Variants in C12orf54 observed in about 807,000 individuals in gnomAD.
The protein encoded by C12orf54 is uncharacterized protein C12orf54.
In C12orf54, 24 loss-of-function variants were observed where a neutral mutation model predicts 26.4. The observed-to-expected ratio is 0.91, with a 90% CI of 0.66 to 1.28. C12orf54 has a LOEUF of 1.28. Among genes scored for constraint, C12orf54 ranks in the 50% most tolerant of loss-of-function variants. The pLI, the probability that C12orf54 is intolerant of heterozygous loss-of-function variation, is 0.00. For missense variants in C12orf54, 154 were observed against 150.9 expected (o/e 1.02, Z -0.11); for synonymous variants, 54 against 47.0 (o/e 1.15, Z -0.61).
the C12orf54 span, among the ~76,000 whole-genome samples, chr12:48,474,036 G>A: frequency 5.9e-5 from 9 of 152,196 alleles, no homozygotes; most frequent in Admixed American, 3.9e-4. Flanking sequence ...GAGCTTAAGA[G>A]CCAGAGAGCT....
the C12orf54 span, among the ~76,000 whole-genome samples, chr12:48,456,964 T>A: frequency 6.6e-6 from 1 of 152,128 alleles, no homozygotes; most frequent in Non-Finnish European, 1.5e-5. Context: ...TTTCATAGGA[T>A]GCTGAATATT....
At chr12:48,448,800 A>C in the C12orf54 span, among the ~76,000 whole-genome samples, 5 of 152,360 alleles carry the variant, frequency 3.3e-5, no homozygotes, top group Middle Eastern at 0.014. Flanking sequence ...GAAGAGATTT[A>C]TTCTGAACCA....
intron 2 of C12orf54, among the ~76,000 whole-genome samples, chr12:48,485,573 CT>C (rs952025281): frequency 8.9e-4 from 135 of 152,266 alleles, no homozygotes; most frequent in African/African-American, 3.1e-3. Flanking sequence ...CACTTTCACC[CT>C]TCTTCTTTCT....
the C12orf54 span, among the ~76,000 whole-genome samples, chr12:48,436,559 C>T: frequency 6.6e-6 from 1 of 152,184 alleles, no homozygotes; most frequent in African/African-American, 2.4e-5. Context: ...AACTGTCTCT[C>T]AGACCACAGT....
At chr12:48,493,172 G>A (rs183577200) in intron 7 of C12orf54, among the ~76,000 whole-genome samples, 177 bp downstream of exon 7, 1 of 152,226 alleles carries the variant, frequency 6.6e-6, no homozygotes, top group East Asian at 1.9e-4. Context: ...ACAGAGCCTG[G>A]GCTTCCTCCT....
chr12:48,443,513 G>C, the C12orf54 span, among the ~76,000 whole-genome samples: 1 of 152,162 alleles, frequency 6.6e-6, no homozygotes, highest in African/African-American at 2.4e-5. Flanking sequence ...GAGAGTTGCA[G>C]AGTACAGAGA....
chr12:48,455,202 G>T, the C12orf54 span, among the ~76,000 whole-genome samples: 1 of 152,044 alleles, frequency 6.6e-6, no homozygotes, highest in Non-Finnish European at 1.5e-5. Context: ...GCACGATTTG[G>T]TTTTCTGTTC....
At chr12:48,458,456 G>A in the C12orf54 span, among the ~76,000 whole-genome samples, 6 of 152,130 alleles carry the variant, frequency 3.9e-5, no homozygotes, top group Admixed American at 2.0e-4. Context: ...TTCTACTGCT[G>A]TATTTTAACA....
At chr12:48,436,887 G>A in the C12orf54 span, among the ~76,000 whole-genome samples, 2 of 152,138 alleles carry the variant, frequency 1.3e-5, no homozygotes, top group Non-Finnish European at 2.9e-5. Context: ...CTAGCAGAAG[G>A]CAATAAATAA....
intron 4 of C12orf54, among the ~76,000 whole-genome samples, chr12:48,487,129 A>G (rs940875505): frequency 6.6e-6 from 1 of 152,362 alleles, no homozygotes; most frequent in Non-Finnish European, 1.5e-5. Context: ...TGCAGAAGCT[A>G]GTAATGCCCA....
chr12:48,433,503 A>C, the C12orf54 span, among the ~76,000 whole-genome samples: 1 of 150,356 alleles, frequency 6.7e-6, no homozygotes, highest in Admixed American at 6.6e-5. Flanking sequence ...GCTGGAGTGC[A>C]GTGGCTCAAT....
At chr12:48,444,087 T>G in the C12orf54 span, among the ~76,000 whole-genome samples, 1 of 152,252 alleles carries the variant, frequency 6.6e-6, no homozygotes, top group African/African-American at 2.4e-5. Context: ...GTTGGGAGTT[T>G]GAAAATTCCT....
the C12orf54 span, among the ~76,000 whole-genome samples, chr12:48,459,894 G>C: frequency 1.3e-5 from 2 of 152,120 alleles, no homozygotes; most frequent in African/African-American, 4.8e-5. Context: ...TTGAGGTCTA[G>C]ACTTTTAACT....
At chr12:48,415,972 A>T in the C12orf54 span, among the ~76,000 whole-genome samples, 1 of 152,200 alleles carries the variant, frequency 6.6e-6, no homozygotes, top group Non-Finnish European at 1.5e-5. Flanking sequence ...TCATCTACTC[A>T]GTTGCCCAAG....
chr12:48,494,086 G>C (rs1937856853), intron 7 of C12orf54, among the ~76,000 whole-genome samples: 1 of 113,278 alleles, frequency 8.8e-6, no homozygotes, highest in Non-Finnish European at 1.8e-5. Flanking sequence ...GGGCGTGGTG[G>C]CAGGTGCCTG....
At chr12:48,435,023 G>A in the C12orf54 span, among the ~76,000 whole-genome samples, 1 of 152,090 alleles carries the variant, frequency 6.6e-6, no homozygotes, top group Non-Finnish European at 1.5e-5. Flanking sequence ...AAAAAAATTA[G>A]ACGAGTGGAT....
chr12:48,435,542 A>C, the C12orf54 span, among the ~76,000 whole-genome samples: 2 of 152,382 alleles, frequency 1.3e-5, no homozygotes, highest in Non-Finnish European at 2.9e-5. Context: ...AGGGAAGCCC[A>C]TCAGACTAAC....
chr12:48,494,762 TC>T (rs1457359651), intron 7 of C12orf54, 35 bp from the exon 8 acceptor site: 1 of 1,599,062 alleles, frequency 6.3e-7, no homozygotes, highest in Non-Finnish European at 8.6e-7. Flanking sequence ...AAGATCTCTT[TC>T]CCTCATGTCT....
chr12:48,464,559 G>GA, the C12orf54 span, among the ~76,000 whole-genome samples: 6 of 152,100 alleles, frequency 3.9e-5, no homozygotes, highest in South Asian at 2.1e-4. Context: ...TCACAGAATA[G>GA]AAAAAATGGT....
Sources: gnomAD v4.1 joint callset for allele counts (sites outside exome capture counted in the v4.1 genomes callset) on GRCh38, gnomAD v4.1.1 for gene constraint, MANE v1.5 for transcripts, NCBI Gene and HGNC (gene_info 2026-07-23, HGNC 2026-07-21) for gene names.